EYS: variants seen among roughly 807,000 people sequenced by gnomAD.
EYS encodes protein eyes shut homolog.
EYS carries 250 observed loss-of-function variants against 282.1 expected under a neutral mutation model. The observed-to-expected ratio is 0.89, with a 90% CI of 0.80 to 0.98. The LOEUF (loss-of-function observed/expected upper bound fraction) is 0.98. EYS is among the 50% of genes least tolerant of loss of function. The pLI, the probability that EYS is intolerant of heterozygous loss-of-function variation, is 0.00. For missense variants in EYS, 4,016 were observed against 3,709.0 expected (o/e 1.08, Z -2.15); for synonymous variants, 1,355 against 1,282.9 (o/e 1.06, Z -1.20).
intron 11 of EYS, among the ~76,000 whole-genome samples, chr6:65,319,264 C>T (rs1582137450): frequency 6.7e-6 from 1 of 149,422 alleles, no homozygotes; most frequent in East Asian, 2.0e-4. Context: ...CCTGTAATCC[C>T]AGCTACTTGG....
intron 33 of EYS, among the ~76,000 whole-genome samples, chr6:64,022,705 A>G (rs549787431): frequency 2.6e-5 from 4 of 152,330 alleles, no homozygotes; most frequent in African/African-American, 7.2e-5. Flanking sequence ...GTTTTATTCA[A>G]TATCTACTGA....
At chr6:65,188,380 T>C (rs972374146) in intron 12 of EYS, among the ~76,000 whole-genome samples, 4 of 151,788 alleles carry the variant, frequency 2.6e-5, no homozygotes, top group African/African-American at 7.2e-5. Context: ...AAAAGTGGTC[T>C]TATTTTCTTA....
intron 37 of EYS, among the ~76,000 whole-genome samples, 197 bp from the exon 38 acceptor site, chr6:63,789,421 T>TGAAGCACC (rs953323773): frequency 1.3e-5 from 2 of 152,246 alleles, no homozygotes; most frequent in Admixed American, 1.3e-4. Flanking sequence ...ACCAAGAGTT[T>TGAAGCACC]ATGTCTTTGA....
chr6:65,049,628 CGTT>C (rs992399553), intron 13 of EYS, among the ~76,000 whole-genome samples: 12 of 151,576 alleles, frequency 7.9e-5, no homozygotes. Flanking sequence ...AAAACAATAG[CGTT>C]GTTATTACTT....
intron 30 of EYS, among the ~76,000 whole-genome samples, chr6:64,254,002 T>C (rs1422698955): frequency 1.3e-5 from 2 of 152,122 alleles, no homozygotes; most frequent in Non-Finnish European, 2.9e-5. Context: ...TTCTGGGAAC[T>C]GTAATCAACC....
At chr6:65,201,247 A>G (rs1426155543) in intron 12 of EYS, among the ~76,000 whole-genome samples, 1 of 152,176 alleles carries the variant, frequency 6.6e-6, no homozygotes, top group East Asian at 1.9e-4. Flanking sequence ...TATCTGACAT[A>G]ACATTTAAAT....
intron 12 of EYS, among the ~76,000 whole-genome samples, chr6:65,121,225 C>T (rs1775539465): frequency 1.3e-5 from 2 of 152,090 alleles, no homozygotes; most frequent in Non-Finnish European, 2.9e-5. Context: ...CACTTGTGCA[C>T]ATTGATCTTG....
chr6:65,278,291 A>G (rs2150272572), intron 12 of EYS, among the ~76,000 whole-genome samples: 1 of 143,090 alleles, frequency 7.0e-6, no homozygotes, highest in South Asian at 2.2e-4. Context: ...CTATATATAT[A>G]TTTATAGAAA....
At chr6:64,112,418 C>T (rs116613614) in intron 31 of EYS, among the ~76,000 whole-genome samples, 10,027 of 151,824 alleles carry the variant, frequency 0.066, 995 homozygotes, top group African/African-American at 0.22. Context: ...TATTTTTTAA[C>T]TGTATATTGA....
intron 14 of EYS, among the ~76,000 whole-genome samples, chr6:64,972,221 G>A (rs182906993): frequency 1.4e-4 from 22 of 152,226 alleles, no homozygotes; most frequent in African/African-American, 4.8e-4. Context: ...AGGCAATCTG[G>A]CAGAAGAGTT....
chr6:64,032,068 C>A (rs578047562), intron 33 of EYS, among the ~76,000 whole-genome samples: 262 of 152,238 alleles, frequency 1.7e-3, no homozygotes, highest in Admixed American at 2.9e-3. Flanking sequence ...CTGAAGCCAG[C>A]GAGACCACGA....
chr6:64,895,963 T>C (rs1767447821), intron 18 of EYS, among the ~76,000 whole-genome samples: 1 of 151,982 alleles, frequency 6.6e-6, no homozygotes, highest in Non-Finnish European at 1.5e-5. Context: ...AAATAATAAA[T>C]TAATTCAAGT....
rs1040007760 is a variant in EYS at position 64,627,094 on chromosome 6, T to C, written c.3444-849A>G. 9.9e-5 allele frequency among the ~76,000 whole-genome samples: 15 copies of C among 152,166 alleles called. 1 individual carries two copies. Among genetic ancestry groups the C allele is most frequent in the African/African-American group, 2.9e-4 (12 of 41,446 alleles). On this transcript the variant is annotated intron_variant, in intron 22 of 42. Coordinates refer to ENST00000503581, the MANE Select transcript of EYS (RefSeq NM_001142800.2). ...AAGAACTGATGGAGGATCCACAATATTGATTAAAGTGCAATGTCCATAGCT... is the reference window on the plus strand; with the variant it reads ...AAGAACTGATGGAGGATCCACAATACTGATTAAAGTGCAATGTCCATAGCT...
chr6:63,902,443 T>A (rs1007188222), intron 35 of EYS, among the ~76,000 whole-genome samples: 1 of 152,192 alleles, frequency 6.6e-6, no homozygotes, highest in African/African-American at 2.4e-5. Flanking sequence ...ATGGTAAATG[T>A]GCAGCAAACA....
chr6:65,680,834 A>G (rs1167563256), intron 1 of EYS, among the ~76,000 whole-genome samples: 3 of 151,956 alleles, frequency 2.0e-5, no homozygotes, highest in Non-Finnish European at 4.4e-5. Context: ...ATTCAATTCA[A>G]TTCTCACACT....
chr6:63,792,122 G>C (rs1562028350), intron 37 of EYS, among the ~76,000 whole-genome samples: 1 of 151,896 alleles, frequency 6.6e-6, no homozygotes, highest in African/African-American at 2.4e-5. Context: ...CAGTCTGGGG[G>C]AAAAGGCTGA....
At chr6:65,085,658 CT>C (rs1283626636) in intron 12 of EYS, among the ~76,000 whole-genome samples, 3 of 152,080 alleles carry the variant, frequency 2.0e-5, no homozygotes, top group African/African-American at 4.8e-5. Flanking sequence ...TGTTTGATGA[CT>C]TTTTTAAAAA....
intron 12 of EYS, among the ~76,000 whole-genome samples, chr6:65,244,227 T>C (rs1162754725): frequency 1.3e-5 from 2 of 152,320 alleles, no homozygotes; most frequent in East Asian, 1.9e-4. Context: ...AGGTCATTGG[T>C]ACGATATTTC....
At chr6:64,136,520 T>G (rs1467647473) in intron 31 of EYS, among the ~76,000 whole-genome samples, 1 of 152,166 alleles carries the variant, frequency 6.6e-6, no homozygotes, top group African/African-American at 2.4e-5. Context: ...CAAAATGTAT[T>G]TCTTAAAATA....
Sources: gnomAD v4.1 joint callset for allele counts (sites outside exome capture counted in the v4.1 genomes callset) on GRCh38, gnomAD v4.1.1 for gene constraint, MANE v1.5 for transcripts, NCBI Gene and HGNC (gene_info 2026-07-23, HGNC 2026-07-21) for gene names.